Variants in EPB41L3 observed in about 807,000 individuals in gnomAD.
The protein encoded by EPB41L3 is band 4.1-like protein 3.
A neutral mutation model predicts 127.1 loss-of-function variants in EPB41L3; 57 were observed. The ratio of observed to expected loss-of-function variants is 0.45; its 90% CI spans 0.36 to 0.56. The LOEUF is 0.56. Among genes scored for constraint, EPB41L3 ranks in the 20% least tolerant of loss-of-function variants. EPB41L3 has a pLI of 0.00. For missense variants in EPB41L3, 1,273 were observed against 1,372.2 expected, an observed-to-expected ratio of 0.93 and a Z score of 1.14; for synonymous variants, 572 against 549.5, an observed-to-expected ratio of 1.04 and a Z score of -0.57.
At chr18:5,558,506 A>G (rs1483078214) in intron 3 of EPB41L3, among the ~76,000 whole-genome samples, 1 of 152,162 alleles carries the variant, frequency 6.6e-6, no homozygotes, top group African/African-American at 2.4e-5. Context: ...TTTTGTGGAG[A>G]GTGTACGCCT....
chr18:5,590,745 C>T (rs1599153915), intron 3 of EPB41L3, among the ~76,000 whole-genome samples: 1 of 152,168 alleles, frequency 6.6e-6, no homozygotes, highest in Non-Finnish European at 1.5e-5. Context: ...ATAATTGATA[C>T]ATGCAACAAC....
At chr18:5,581,801 A>T (rs2094396027) in intron 3 of EPB41L3, among the ~76,000 whole-genome samples, 1 of 152,094 alleles carries the variant, frequency 6.6e-6, no homozygotes, top group Admixed American at 6.5e-5. Context: ...GTTCAAGGCC[A>T]TCCTGGGCAA....
chr18:5,398,307 A>C, intron 16 of EPB41L3, 164 bp from the exon 17 acceptor site: 1 of 805,598 alleles, frequency 1.2e-6, no homozygotes, highest in Non-Finnish European at 2.0e-6. Context: ...GAAATAAAAT[A>C]GAAAACCAGG....
chr18:5,469,705 T>C (rs558361101), intron 3 of EPB41L3, among the ~76,000 whole-genome samples: 34 of 152,054 alleles, frequency 2.2e-4, no homozygotes, highest in African/African-American at 8.0e-4. Context: ...GTGACACTAC[T>C]AAAACACAAG....
chr18:5,422,890 G>C (rs1188866909), intron 11 of EPB41L3, among the ~76,000 whole-genome samples: 2 of 152,158 alleles, frequency 1.3e-5, no homozygotes, highest in Non-Finnish European at 2.9e-5. Flanking sequence ...CCTGTGCTCT[G>C]TTATTTGAAT....
intron 3 of EPB41L3, among the ~76,000 whole-genome samples, chr18:5,596,044 T>C (rs1355025874): frequency 6.6e-6 from 1 of 152,168 alleles, no homozygotes; most frequent in East Asian, 1.9e-4. Flanking sequence ...AACAATGAGG[T>C]ATAAGAGCTT....
At chr18:5,591,041 G>T (rs1039283685) in intron 3 of EPB41L3, among the ~76,000 whole-genome samples, 6 of 152,074 alleles carry the variant, frequency 3.9e-5, no homozygotes, top group African/African-American at 1.4e-4. Context: ...GATCAAATTT[G>T]CTGTACTATA....
intron 3 of EPB41L3, among the ~76,000 whole-genome samples, chr18:5,605,028 TACCTCAGGTCAC>T (rs1236457634): frequency 6.6e-6 from 1 of 152,116 alleles, no homozygotes; most frequent in Admixed American, 6.6e-5. Context: ...GACAACTGCT[TACCTCAGGTCAC>T]ACCTCCTCCT....
intron 1 of EPB41L3, among the ~76,000 whole-genome samples, chr18:5,493,836 A>G (rs529966899): frequency 1.3e-5 from 2 of 152,220 alleles, no homozygotes; most frequent in South Asian, 4.2e-4. Context: ...AAGCCAGTCA[A>G]TCCTAGGTGG....
At chr18:5,610,058 T>C (rs2094708280) in intron 3 of EPB41L3, 1 of 975,940 alleles carries the variant, frequency 1.0e-6, no homozygotes, top group Non-Finnish European at 1.2e-6. Flanking sequence ...CTGAAGATAG[T>C]TTCCCATCAA....
chr18:5,611,099 T>C (rs1310748794), intron 3 of EPB41L3, among the ~76,000 whole-genome samples: 2 of 152,232 alleles, frequency 1.3e-5, no homozygotes, highest in Admixed American at 6.5e-5. Context: ...CTCCTGGGCC[T>C]CTTTCTTACA....
At chr18:5,593,397 G>C (rs2094505056) in intron 3 of EPB41L3, among the ~76,000 whole-genome samples, 1 of 152,132 alleles carries the variant, frequency 6.6e-6, no homozygotes, top group Admixed American at 6.6e-5. Flanking sequence ...TGCCCCCTGA[G>C]CCGTAAAACC....
chr18:5,424,127 CT>C, intron 10 of EPB41L3, 134 bp downstream of exon 10: 1 of 635,496 alleles, frequency 1.6e-6, no homozygotes, highest in Admixed American at 3.1e-5. Context: ...CTTAGGATTT[CT>C]TATCAAGAAA....
chr18:5,429,548 T>C (rs1244602894), intron 8 of EPB41L3, among the ~76,000 whole-genome samples: 2 of 152,222 alleles, frequency 1.3e-5, no homozygotes, highest in African/African-American at 2.4e-5. Context: ...TTGGAAGCTA[T>C]GCCCAGGTCT....
At chr18:5,407,107 T>A in intron 15 of EPB41L3, 139 bp from the exon 16 acceptor site, 1 of 679,422 alleles carries the variant, frequency 1.5e-6, no homozygotes, top group Non-Finnish European at 2.5e-6. Flanking sequence ...CTCATGGCAC[T>A]ACCACAAACA....
chr18:5,539,708 C>A (rs2093668999), intron 1 of EPB41L3: 1 of 152,192 alleles, frequency 6.6e-6, no homozygotes, highest in South Asian at 2.1e-4. Flanking sequence ...ACTATAAATT[C>A]AGAAAGGAAA....
intron 3 of EPB41L3, among the ~76,000 whole-genome samples, chr18:5,606,897 TC>T (rs2094660824): frequency 6.6e-6 from 1 of 151,646 alleles, no homozygotes; most frequent in African/African-American, 2.4e-5. Context: ...TCTCTCTCTC[TC>T]TCTCTCTCTC....
chr18:5,422,888 C>A (rs2077655226), intron 11 of EPB41L3, among the ~76,000 whole-genome samples: 1 of 152,200 alleles, frequency 6.6e-6, no homozygotes, highest in Non-Finnish European at 1.5e-5. Flanking sequence ...ACCCTGTGCT[C>A]TGTTATTTGA....
At chr18:5,604,080 CATAA>C (rs982759185) in intron 3 of EPB41L3, among the ~76,000 whole-genome samples, 1 of 151,984 alleles carries the variant, frequency 6.6e-6, no homozygotes, top group African/African-American at 2.4e-5. Context: ...CACACATACA[CATAA>C]ATACACATGT....
Sources: allele counts gnomAD v4.1 joint callset (sites outside exome capture counted in the v4.1 genomes callset), GRCh38; gene constraint gnomAD v4.1.1; transcripts MANE v1.5; gene names NCBI Gene and HGNC (gene_info 2026-07-23, HGNC 2026-07-21).